NPR3: variants seen among roughly 807,000 people sequenced by gnomAD.
NPR3 encodes atrial natriuretic peptide receptor 3.
In NPR3, 34 loss-of-function variants were observed where a neutral mutation model predicts 54.5. The ratio of observed to expected loss-of-function variants is 0.62; its 90% confidence interval spans 0.47 to 0.83. The LOEUF (loss-of-function observed/expected upper bound fraction) is 0.83, where lower values mean the gene tolerates loss of function less well. Among genes scored for constraint, NPR3 ranks in the 40% least tolerant of loss-of-function variants. The pLI, the probability that NPR3 is intolerant of heterozygous loss-of-function variation, is 0.00. For missense variants in NPR3, 674 were observed against 720.8 expected (o/e 0.94, Z 0.74); for synonymous variants, 289 against 297.1 (o/e 0.97, Z 0.28).
At chr5:32,782,818 T>C (rs1160325426) in intron 5 of NPR3, 75 bp from the exon 6 acceptor site, 6 of 1,395,688 alleles carry the variant, frequency 4.3e-6, no homozygotes, top group African/African-American at 1.4e-5. Flanking sequence ...TTTTGGGGAA[T>C]AGCTGTGGAA....
rs376126011 is a variant in NPR3 at position 32,788,547 on chromosome 5, T to C, written c.*2202T>C. On this transcript the variant is annotated 3_prime_UTR_variant, in exon 8 of 8. Transcript: ENST00000265074. ...AAAGCATTTACATTTCAAGTCTATG[T>C]GCTTATTACAGGGGAAAAATAATCT... 2.0e-4 allele frequency: 31 copies of C among 152,372 alleles called. No homozygotes were observed. Among genetic ancestry groups the C allele is most frequent in the African/African-American group, 7.2e-4 (30 of 41,596 alleles). 9.4% of individuals were successfully genotyped at this position (152,372 alleles called of 1,614,324 possible).
intron 3 of NPR3, among the ~76,000 whole-genome samples, chr5:32,765,163 T>C (rs1432600872): frequency 6.6e-6 from 1 of 152,202 alleles, no homozygotes; most frequent in African/African-American, 2.4e-5. Context: ...TGAGCATCCC[T>C]GTCTTGGTGT....
At chr5:32,735,754 C>A (rs868238850) in intron 2 of NPR3, among the ~76,000 whole-genome samples, 24 of 152,206 alleles carry the variant, frequency 1.6e-4, no homozygotes, top group Non-Finnish European at 1.5e-5. Context: ...GGGCGTCATG[C>A]CAAGCCGACC....
intron 1 of NPR3, among the ~76,000 whole-genome samples, chr5:32,721,716 G>T (rs1262683405): frequency 6.6e-6 from 1 of 152,210 alleles, no homozygotes; most frequent in Non-Finnish European, 1.5e-5. Context: ...GAAGGACTTG[G>T]TGGTGGTGGG....
rs116324052 is a variant in NPR3 at position 32,760,655 on chromosome 5, T to G, written c.1060-14053T>G. Among the ~76,000 whole-genome samples, 727 of 152,080 alleles carry G rather than the reference T, an allele frequency of 4.8e-3. 5 individuals are homozygous for G. Among genetic ancestry groups the G allele is most frequent in the African/African-American group, 0.017 (694 of 41,520 alleles). ...ATTTTAATATTTTAACTGCGCTTTT[T>G]GATGAGCAGTGGTTTTTTTTTTTTT... is the stretch of plus-strand genomic sequence containing the variant. On this transcript the variant is annotated intron_variant, in intron 3 of 7. Transcript: ENST00000265074.
chr5:32,734,814 A>T (rs1286009169), intron 2 of NPR3, among the ~76,000 whole-genome samples: 1 of 152,140 alleles, frequency 6.6e-6, no homozygotes, highest in African/African-American at 2.4e-5. Flanking sequence ...TTAAATAGTC[A>T]CACATGTGGC....
intron 1 of NPR3, among the ~76,000 whole-genome samples, 169 bp from the exon 2 acceptor site, chr5:32,724,529 G>A (rs577128749): frequency 3.7e-4 from 57 of 152,244 alleles, no homozygotes; most frequent in African/African-American, 1.2e-3. Flanking sequence ...TTATGGAGGC[G>A]TCTGCTAGGT....
chr5:32,778,950 A>G (rs969235516), intron 4 of NPR3, among the ~76,000 whole-genome samples: 3 of 152,218 alleles, frequency 2.0e-5, no homozygotes, highest in African/African-American at 7.2e-5. Context: ...ATCACTTAAG[A>G]GTTTTATAGG....
chr5:32,730,730 G>T lies in NPR3; in HGVS notation c.892+5910G>T, dbSNP rs1011930401. ...AATATAATATCATTTAGTCAAAAAA[G>T]AAATACTTAAAAAATGTAAATTAAA... On this transcript the variant is annotated intron_variant, in intron 2 of 7. Transcript: ENST00000265074. Among the ~76,000 whole-genome samples, 3 of 151,980 alleles carry T rather than the reference G, an allele frequency of 2.0e-5. No homozygotes were observed. The East Asian group carries it at 5.8e-4, about 29-fold the overall frequency.
intron 1 of NPR3, among the ~76,000 whole-genome samples, chr5:32,715,227 T>C (rs1042738747): frequency 5.9e-5 from 9 of 152,232 alleles, no homozygotes; most frequent in African/African-American, 2.2e-4. Context: ...CAAACTGATA[T>C]TCTCACCCAA....
intron 1 of NPR3, among the ~76,000 whole-genome samples, chr5:32,699,302 ATTTAAC>A (rs1740608674): frequency 6.6e-6 from 1 of 152,294 alleles, no homozygotes; most frequent in South Asian, 2.1e-4. Flanking sequence ...TTATTATTTT[ATTTAAC>A]TTTAAATTCT....
At chr5:32,737,896 T>C (rs1739832597) in intron 2 of NPR3, among the ~76,000 whole-genome samples, 1 of 152,080 alleles carries the variant, frequency 6.6e-6, no homozygotes, top group Non-Finnish European at 1.5e-5. Flanking sequence ...TTTACGCATA[T>C]AAAGTGCTCA....
intron 3 of NPR3, among the ~76,000 whole-genome samples, chr5:32,741,929 CAAGTT>C (rs1243715700): frequency 6.6e-6 from 1 of 151,522 alleles, no homozygotes; most frequent in East Asian, 1.9e-4. Context: ...AGATGTTTAT[CAAGTT>C]AGGTTAGACG....
rs1269038144 is a variant in NPR3 at position 32,786,277 on chromosome 5, G to C, written c.1558G>C (p.Glu520Gln). ...CATTGAGAGGCGAACCCAGCAAGAA[G>C]AAAGTAACCTTGGAAAACATCGGGA... is the stretch of plus-strand genomic sequence containing the variant. The part of the protein sequence containing the change: ...ITIERRTQQE[E>Q]SNLGKHRELR... The change falls in exon 8 of 8, where the codon GAA (glutamate) becomes CAA (glutamine). Residue 520 changes from glutamate (E) to glutamine (Q), a missense_variant. Coordinates refer to ENST00000265074, the MANE Select transcript of NPR3 (RefSeq NM_001204375.2). The C allele has an allele frequency of 6.3e-7, 1 of 1,589,262 alleles. No individual in the cohort carries two copies. The highest frequency in any genetic ancestry group is 1.7e-5 in the Admixed American group (1 of 59,164).
At chr5:32,766,579 A>G (rs1161421299) in intron 3 of NPR3, among the ~76,000 whole-genome samples, 2 of 152,342 alleles carry the variant, frequency 1.3e-5, no homozygotes, top group Non-Finnish European at 1.5e-5. Context: ...TATTTGTAAC[A>G]TCTCTTTTTC....
At chr5:32,753,363 G>T (rs1318541624) in intron 3 of NPR3, among the ~76,000 whole-genome samples, 4 of 150,960 alleles carry the variant, frequency 2.6e-5, no homozygotes, top group Admixed American at 1.3e-4. Context: ...CAGCACTTCA[G>T]TTAATTTGGC....
chr5:32,754,979 G>C (rs60081663), intron 3 of NPR3, among the ~76,000 whole-genome samples: 6,331 of 152,276 alleles, frequency 0.042, 152 homozygotes, highest in Non-Finnish European at 0.051. Context: ...TCCTGCCTCA[G>C]CCTCCTGAGT....
chr5:32,784,497 C>A (rs1742503769), intron 6 of NPR3, among the ~76,000 whole-genome samples: 1 of 152,162 alleles, frequency 6.6e-6, no homozygotes, highest in Admixed American at 6.5e-5. Flanking sequence ...CTGAAATCTT[C>A]AGTTCCAGTT....
chr5:32,729,242 G>T, intron 2 of NPR3, among the ~76,000 whole-genome samples: 2 of 151,666 alleles, frequency 1.3e-5, no homozygotes, highest in Non-Finnish European at 1.5e-5. Flanking sequence ...TTTTAGCCCG[G>T]ATGGTCTCGA....
Sources: gnomAD v4.1 joint callset for allele counts (sites outside exome capture counted in the v4.1 genomes callset) on GRCh38, gnomAD v4.1.1 for gene constraint, MANE v1.5 for transcripts, NCBI Gene and HGNC (gene_info 2026-07-23, HGNC 2026-07-21) for gene names.